MACROD2: variants seen among roughly 807,000 people sequenced by gnomAD.
The protein encoded by MACROD2 is ADP-ribose glycohydrolase MACROD2.
In MACROD2, 36 loss-of-function variants were observed where a neutral mutation model predicts 70.4. That is an observed-to-expected ratio of 0.51 (90% confidence interval 0.39 to 0.68). MACROD2 has a LOEUF of 0.68. Among genes scored for constraint, MACROD2 ranks in the 30% least tolerant of loss-of-function variants. The probability of loss-of-function intolerance (pLI) is 0.00; values close to 1 mark genes in which losing one functional copy is unlikely to be tolerated. For synonymous variants in MACROD2, 172 were observed against 178.8 expected (o/e 0.96, Z 0.30); for missense variants, 496 against 538.4 (o/e 0.92, Z 0.78).
intron 5 of MACROD2, among the ~76,000 whole-genome samples, chr20:15,155,724 G>A (rs1456651771): frequency 1.3e-5 from 2 of 152,046 alleles, no homozygotes; most frequent in East Asian, 3.9e-4. Flanking sequence ...AAGAGTTCTT[G>A]TTATTAATCT....
At chr20:15,807,162 T>C (rs1234236570) in intron 8 of MACROD2, among the ~76,000 whole-genome samples, 1 of 152,236 alleles carries the variant, frequency 6.6e-6, no homozygotes, top group Non-Finnish European at 1.5e-5. Context: ...TCTCTTCCAC[T>C]GGAGAATCCA....
chr20:14,515,134 A>T (rs2123158417), intron 4 of MACROD2, among the ~76,000 whole-genome samples: 1 of 152,244 alleles, frequency 6.6e-6, no homozygotes, highest in Admixed American at 6.6e-5. Flanking sequence ...AGCTCAATAG[A>T]TGAGCTGAAA....
Position 15,986,745 on chromosome 20 carries a change from C to T in MACROD2, c.1004C>T (p.Thr335Met), listed in dbSNP as rs41275442. 0.16 allele frequency: 256,921 copies of T among 1,607,084 alleles called. 22,875 individuals carry two copies. Among genetic ancestry groups the T allele is most frequent in the Middle Eastern group, 0.19 (1,141 of 6,026 alleles). ...DHPDGQENDS[T>M]KNEIKIETES... The stretch of plus-strand genomic sequence containing the variant: ...TGAACAGGACAAGAGAATGATTCAA[C>T]GAAGAATGAAATAAAAATTGAAACA... Residue 335 changes from threonine (T) to methionine (M), a missense_variant, in exon 14 of 18, where the codon ACG (threonine) becomes ATG (methionine). Physicochemically the swap from Thr to Met is moderately conservative, Grantham distance 81. Transcript: ENST00000684519.
intron 5 of MACROD2, among the ~76,000 whole-genome samples, chr20:14,978,935 CATAATATATATA>C (rs2074771338): frequency 1.4e-5 from 2 of 139,340 alleles, no homozygotes; most frequent in Admixed American, 7.6e-5. Flanking sequence ...TAATATATAT[CATAATATATATA>C]ATCATATATA....
chr20:14,010,395 A>C (rs1030446575), intron 2 of MACROD2, among the ~76,000 whole-genome samples: 1 of 152,128 alleles, frequency 6.6e-6, no homozygotes, highest in Non-Finnish European at 1.5e-5. Context: ...CAAAGGCAGA[A>C]AAGGTAGAGG....
At chr20:14,152,999 A>G (rs1182821771) in intron 3 of MACROD2, among the ~76,000 whole-genome samples, 1 of 152,222 alleles carries the variant, frequency 6.6e-6, no homozygotes, top group Non-Finnish European at 1.5e-5. Context: ...ATTGGGATGA[A>G]TGGGTAGTTA....
chr20:14,257,920 T>C (rs1322640015), intron 3 of MACROD2, among the ~76,000 whole-genome samples: 1 of 152,170 alleles, frequency 6.6e-6, no homozygotes, highest in Non-Finnish European at 1.5e-5. Flanking sequence ...CAAAGTCTGT[T>C]TTGTCATTCT....
At chr20:14,164,100 G>T (rs1041044142) in intron 3 of MACROD2, among the ~76,000 whole-genome samples, 1 of 151,978 alleles carries the variant, frequency 6.6e-6, no homozygotes, top group African/African-American at 2.4e-5. Context: ...TGCTTTATAG[G>T]GGAGAACTTT....
chr20:14,300,471 T>C (rs749820722), intron 3 of MACROD2, among the ~76,000 whole-genome samples: 1 of 152,200 alleles, frequency 6.6e-6, no homozygotes, highest in Non-Finnish European at 1.5e-5. Context: ...TTTGTTGTTG[T>C]TGTTGTTGTC....
Position 15,619,366 on chromosome 20 carries a change from A to G in MACROD2, c.645+119519A>G, listed in dbSNP as rs555583490. The G allele has an allele frequency of 7.2e-5, 14 of 193,820 alleles. No homozygotes were observed. In the South Asian group the frequency reaches 1.4e-3, roughly 19 times the overall value. 12.0% of individuals were successfully genotyped at this position (193,820 alleles called of 1,614,324 possible). A position where few individuals can be genotyped will look rare whatever the true frequency, so the allele number is the denominator to read the frequency against. Reference sequence around the variant, plus strand: ...CAAAGACAGCTTGGAGGTTAGAGGCAAGATGGAGTTGGTTAAGTCAGATCT... The same window carrying G: ...CAAAGACAGCTTGGAGGTTAGAGGCGAGATGGAGTTGGTTAAGTCAGATCT... On this transcript the variant is annotated intron_variant, in intron 8 of 17. Coordinates refer to ENST00000684519, the MANE Select transcript of MACROD2 (RefSeq NM_001351661.2).
At chr20:14,803,072 C>G (rs2072597870) in intron 5 of MACROD2, among the ~76,000 whole-genome samples, 1 of 151,994 alleles carries the variant, frequency 6.6e-6, no homozygotes, top group Non-Finnish European at 1.5e-5. Flanking sequence ...GTGGTGCTCC[C>G]CATCACTCAC....
chr20:14,085,265 C>G (rs1471289873), intron 2 of MACROD2, among the ~76,000 whole-genome samples: 2 of 151,378 alleles, frequency 1.3e-5, no homozygotes, highest in Non-Finnish European at 2.9e-5. Context: ...TTCTTCTTAC[C>G]TAAGATTAAA....
At chr20:14,168,116 T>A (rs936888746) in intron 3 of MACROD2, among the ~76,000 whole-genome samples, 10 of 152,152 alleles carry the variant, frequency 6.6e-5, no homozygotes, top group Non-Finnish European at 1.3e-4. Flanking sequence ...ATTCATAATC[T>A]CTAAATATGA....
At chr20:15,134,889 C>A (rs1284797315) in intron 5 of MACROD2, among the ~76,000 whole-genome samples, 2 of 152,032 alleles carry the variant, frequency 1.3e-5, no homozygotes, top group East Asian at 3.9e-4. Flanking sequence ...GATATCACCA[C>A]CGATCCCACA....
chr20:14,247,446 T>C (rs916428317), intron 3 of MACROD2, among the ~76,000 whole-genome samples: 44 of 152,346 alleles, frequency 2.9e-4, no homozygotes, highest in African/African-American at 1.0e-3. Context: ...AGATGAAATA[T>C]AAGGAATGAC....
At chr20:15,727,660 G>C (rs2050885008) in intron 8 of MACROD2, among the ~76,000 whole-genome samples, 1 of 151,984 alleles carries the variant, frequency 6.6e-6, no homozygotes, top group Non-Finnish European at 1.5e-5. Context: ...TCATCTCTCT[G>C]GTTAGCTGTA....
Position 15,540,870 on chromosome 20 carries a change from C to T in MACROD2, c.645+41023C>T, listed in dbSNP as rs563678536. On this transcript the variant is annotated intron_variant, in intron 8 of 17. Coordinates refer to ENST00000684519, the MANE Select transcript of MACROD2 (RefSeq NM_001351661.2). ...GCCTTCATCTTCACTGTGAGTTCTC[C>T]CTGTGTGCACATCTGTATCCAAATT... Among the ~76,000 whole-genome samples the T allele has an allele frequency of 9.9e-5, 15 of 152,282 alleles. 1 individual carries two copies. Among genetic ancestry groups the T allele is most frequent in the Middle Eastern group, 6.8e-3 (2 of 294 alleles).
At chr20:15,215,504 C>T (rs2076802663) in intron 5 of MACROD2, among the ~76,000 whole-genome samples, 1 of 151,948 alleles carries the variant, frequency 6.6e-6, no homozygotes. Context: ...GAGATACTCT[C>T]CCAAGGAATT....
chr20:15,518,741 G>A (rs985904190), intron 8 of MACROD2, among the ~76,000 whole-genome samples: 1 of 152,148 alleles, frequency 6.6e-6, no homozygotes, highest in Non-Finnish European at 1.5e-5. Context: ...GCTCACACCT[G>A]TAATCCCAAC....
Sources: allele counts gnomAD v4.1 joint callset (sites outside exome capture counted in the v4.1 genomes callset), GRCh38; gene constraint gnomAD v4.1.1; transcripts MANE v1.5; gene names NCBI Gene and HGNC (gene_info 2026-07-23, HGNC 2026-07-21).